Variants in HHLA1 observed in about 807,000 individuals in gnomAD.
HHLA1 encodes HHLA1 neighbor of OC90.
HHLA1 carries 72 observed loss-of-function variants against 69.9 expected under a neutral mutation model. The ratio of observed to expected loss-of-function variants is 1.03; its 90% CI spans 0.85 to 1.25. HHLA1 has a LOEUF of 1.25. Among genes scored for constraint, HHLA1 ranks in the 50% most tolerant of loss-of-function variants. HHLA1 has a pLI of 0.00. For synonymous variants in HHLA1, 252 were observed against 233.2 expected, an observed-to-expected ratio of 1.08 and a Z score of -0.73; for missense variants, 685 against 642.2, an observed-to-expected ratio of 1.07 and a Z score of -0.72.
intron 1 of HHLA1, among the ~76,000 whole-genome samples, chr8:132,105,880 C>T (rs1824195324): frequency 6.6e-6 from 1 of 152,092 alleles, no homozygotes. Flanking sequence ...AATATATTAC[C>T]ATAGGAATAT....
chr8:132,071,403 A>T lies in HHLA1; in HGVS notation c.1406T>A (p.Leu469Gln), dbSNP rs889552167. 1.3e-6 allele frequency: 2 copies of T among 1,551,730 alleles called. No homozygotes were observed. The highest frequency in any genetic ancestry group is 1.7e-6 in the Non-Finnish European group (2 of 1,146,972). ...GAGGCATTGCTGGAAGAATTGGCAC[A>T]GCTCCATCAGGCATGGGTTGAGCCT... ...IQRLNPCLME[L>Q]CQFFQQCLCM... Residue 469 changes from leucine to glutamine, a missense_variant, in exon 15 of 17, where the codon CTG becomes CAG. Physicochemically the swap from Leu to Gln is moderately radical, Grantham distance 113 (BLOSUM62 -2). Transcript: ENST00000414222.
rs1458217409 is a variant in HHLA1, at chr8:132,076,441, C to T, written c.1240+34G>A. ...GCTTCCCACCCCTCCCATCCCCCAC[C>T]CCCAAACCCCCACTTCCGTACTGAG... On this transcript the variant is annotated intron_variant, in intron 13 of 16. Transcript: ENST00000414222. The T allele has an allele frequency of 3.0e-6, 4 of 1,320,852 alleles. No homozygotes were observed. The African/African-American group carries it at 4.4e-5, about 15-fold the overall frequency. 81.8% of individuals were successfully genotyped at this position (1,320,852 alleles called of 1,614,324 possible).
chr8:132,103,108 G>T (rs1027621253), intron 3 of HHLA1, among the ~76,000 whole-genome samples: 1 of 152,000 alleles, frequency 6.6e-6, no homozygotes, highest in Non-Finnish European at 1.5e-5. Context: ...ATTACCTGTG[G>T]GGCAGGAATT....
At chr8:132,107,105 CT>C (rs1824213930) in intron 1 of HHLA1, among the ~76,000 whole-genome samples, 1 of 152,034 alleles carries the variant, frequency 6.6e-6, no homozygotes. Flanking sequence ...CTCTTTCCCC[CT>C]TCTTCTTCTG....
chr8:132,077,244 C>T (rs1278014573), intron 12 of HHLA1, among the ~76,000 whole-genome samples: 1 of 152,142 alleles, frequency 6.6e-6, no homozygotes. Flanking sequence ...TCAAGCAGCA[C>T]AGCAGTTCTG....
At chr8:132,090,143 T>G (rs1823925370) in intron 7 of HHLA1, among the ~76,000 whole-genome samples, 1 of 152,160 alleles carries the variant, frequency 6.6e-6, no homozygotes, top group Non-Finnish European at 1.5e-5. Flanking sequence ...GAACTGATGG[T>G]GGTGCTGGTG....
intron 5 of HHLA1, among the ~76,000 whole-genome samples, chr8:132,097,417 C>T (rs1471217160): frequency 6.6e-6 from 1 of 152,172 alleles, no homozygotes; most frequent in Non-Finnish European, 1.5e-5. Flanking sequence ...AATTCCAACT[C>T]TATGTGGCAA....
chr8:132,092,470 G>A (rs951863238), intron 7 of HHLA1, among the ~76,000 whole-genome samples: 22 of 152,272 alleles, frequency 1.4e-4, no homozygotes, highest in Middle Eastern at 3.4e-3. Flanking sequence ...GGAGGTGATT[G>A]GATCATGGGG....
At chr8:132,076,431 C>CCCCCA in intron 13 of HHLA1, 44 bp downstream of exon 13, 2 of 824,548 alleles carry the variant, frequency 2.4e-6, no homozygotes, top group East Asian at 2.9e-5. Context: ...CCACCCCTCC[C>CCCCCA]ATCCCCCACC....
In HHLA1 at chr8:132,095,826, A is replaced by G. The variant is rs544776187; in HGVS notation, c.281-40T>C. 1.3e-4 allele frequency: 162 copies of G among 1,255,132 alleles called. 1 individual carries two copies. Among genetic ancestry groups the G allele is most frequent in the South Asian group, 1.1e-3 (76 of 72,318 alleles). The allele number at this position is 1,255,132 out of a possible 1,614,324, so 77.7% of individuals were successfully genotyped here. A position where few individuals can be genotyped will look rare whatever the true frequency, so the allele number is the denominator to read the frequency against. On this transcript the variant is annotated intron_variant, in intron 5 of 16. Transcript: ENST00000414222. Reference sequence around the variant, plus strand: ...CAGATAAAGAGACAGACAGATGCCTACTAACGTAACAATAATACAAATAAG... The same window carrying G: ...CAGATAAAGAGACAGACAGATGCCTGCTAACGTAACAATAATACAAATAAG...
At chr8:132,085,052 A>T (rs2130887814) in intron 10 of HHLA1, among the ~76,000 whole-genome samples, 1 of 152,184 alleles carries the variant, frequency 6.6e-6, no homozygotes, top group Admixed American at 6.5e-5. Flanking sequence ...AGACAAGGAG[A>T]GAAGGGGTTG....
chr8:132,109,289 G>A (rs1036535059), intron 1 of HHLA1, among the ~76,000 whole-genome samples: 14 of 152,302 alleles, frequency 9.2e-5, no homozygotes, highest in South Asian at 6.2e-4. Context: ...AGACCCTGGC[G>A]TTGGAGGACT....
intron 14 of HHLA1, among the ~76,000 whole-genome samples, chr8:132,075,615 C>G (rs1823621819): frequency 6.6e-6 from 1 of 152,220 alleles, no homozygotes; most frequent in Non-Finnish European, 1.5e-5. Flanking sequence ...ATTTTGCAGT[C>G]ATCTTTTTTA....
chr8:132,076,579 C>A, intron 12 of HHLA1, 36 bp from the exon 13 acceptor site: 1 of 1,398,636 alleles, frequency 7.1e-7, no homozygotes, highest in South Asian at 1.5e-5. Context: ...GCCTGCATCT[C>A]TTCTAGGGGG....
At chr8:132,091,335 C>A (rs562745589) in intron 7 of HHLA1, among the ~76,000 whole-genome samples, 97 of 152,278 alleles carry the variant, frequency 6.4e-4, no homozygotes, top group African/African-American at 2.3e-3. Context: ...AAGCCACACA[C>A]AAAACATGGA....
chr8:132,078,441 A>C (rs1278965317), intron 11 of HHLA1, among the ~76,000 whole-genome samples: 1 of 152,174 alleles, frequency 6.6e-6, no homozygotes, highest in Non-Finnish European at 1.5e-5. Context: ...TACCAGTGTT[A>C]ATAATAACAC....
rs961030289 is a variant in HHLA1 at position 132,088,672 on chromosome 8, A to G, written c.533-771T>C. Among the ~76,000 whole-genome samples, 23 of 152,326 alleles carry G rather than the reference A, an allele frequency of 1.5e-4. 1 individual carries two copies. Among genetic ancestry groups the G allele is most frequent in the Admixed American group, 3.3e-4 (5 of 15,290 alleles). On this transcript the variant is annotated intron_variant, in intron 8 of 16. Coordinates refer to ENST00000414222, the MANE Select transcript of HHLA1 (RefSeq NM_001145095.3). ...TAATCATTATTGTTATTATTAATGT[A>G]TTACTATGATTATATATATTAGGAT...
At chr8:132,072,292 A>G (rs754477184) in intron 14 of HHLA1, among the ~76,000 whole-genome samples, 2 of 152,176 alleles carry the variant, frequency 1.3e-5, no homozygotes, top group Non-Finnish European at 2.9e-5. Flanking sequence ...CTACACCTAC[A>G]TTTCCTTATA....
At chr8:132,091,732 T>C (rs939006647) in intron 7 of HHLA1, among the ~76,000 whole-genome samples, 7 of 152,222 alleles carry the variant, frequency 4.6e-5, no homozygotes, top group Non-Finnish European at 7.3e-5. Flanking sequence ...TAAGACTGTC[T>C]CTTAACACTC....
Sources: allele counts gnomAD v4.1 joint callset (sites outside exome capture counted in the v4.1 genomes callset), GRCh38; gene constraint gnomAD v4.1.1; transcripts MANE v1.5; gene names NCBI Gene and HGNC (gene_info 2026-07-23, HGNC 2026-07-21).